The following CD53 variants were observed in gnomAD, a reference collection of about 807,000 sequenced individuals.
CD53 encodes the protein CD53 molecule.
In CD53, 20 loss-of-function variants were observed where a neutral mutation model predicts 27.3. The observed-to-expected ratio is 0.73, with a 90% confidence interval of 0.52 to 1.07. The LOEUF (loss-of-function observed/expected upper bound fraction) is 1.07. CD53 is among the 50% of genes least tolerant of loss of function. The pLI is 0.00. For missense variants in CD53, 216 were observed against 264.0 expected (o/e 0.82, Z 1.26); for synonymous variants, 106 against 105.3 (o/e 1.01, Z -0.04).
At chr1:110,890,134 C>T (rs1247997841) in intron 1 of CD53, among the ~76,000 whole-genome samples, 1 of 152,136 alleles carries the variant, frequency 6.6e-6, no homozygotes, top group Non-Finnish European at 1.5e-5. Flanking sequence ...CTATGGATTG[C>T]ACAAGTGACC....
intron 1 of CD53, among the ~76,000 whole-genome samples, chr1:110,875,912 G>C (rs922677778): frequency 6.6e-6 from 1 of 152,202 alleles, no homozygotes; most frequent in Non-Finnish European, 1.5e-5. Flanking sequence ...CTGAGAGTTA[G>C]AGGTGAGTGC....
intron 1 of CD53, among the ~76,000 whole-genome samples, chr1:110,889,970 G>T (rs771040440): frequency 4.6e-5 from 7 of 152,162 alleles, no homozygotes; most frequent in Non-Finnish European, 8.8e-5. Context: ...TAAAGGAAAA[G>T]GATATGAGAT....
At chr1:110,888,595 G>A (rs1656724785) in intron 1 of CD53, among the ~76,000 whole-genome samples, 1 of 152,028 alleles carries the variant, frequency 6.6e-6, no homozygotes, top group South Asian at 2.1e-4. Flanking sequence ...ATTGGCCAGA[G>A]GCACATTTCC....
intron 2 of CD53, among the ~76,000 whole-genome samples, chr1:110,892,032 G>A (rs570801741): frequency 8.5e-5 from 13 of 152,350 alleles, no homozygotes; most frequent in Middle Eastern, 3.4e-3. Context: ...AGAAAGCCAT[G>A]TGTGAGCGAC....
chr1:110,887,571 C>T (rs1416945505), intron 1 of CD53, among the ~76,000 whole-genome samples: 1 of 152,178 alleles, frequency 6.6e-6, no homozygotes, highest in Non-Finnish European at 1.5e-5. Flanking sequence ...TTAGGATGCA[C>T]TTAAGTTACT....
At chr1:110,887,106 C>T (rs2101052623) in intron 1 of CD53, among the ~76,000 whole-genome samples, 1 of 149,216 alleles carries the variant, frequency 6.7e-6, no homozygotes, top group South Asian at 2.1e-4. Flanking sequence ...CTCTGTCACC[C>T]AGGCTGTAGT....
intron 2 of CD53, among the ~76,000 whole-genome samples, 190 bp downstream of exon 2, chr1:110,891,661 G>T (rs547554497): frequency 2.2e-4 from 33 of 152,274 alleles, no homozygotes; most frequent in South Asian, 6.2e-4. Context: ...CTGCAAAATT[G>T]AAAGGTACCA....
chr1:110,895,025 C>T lies in CD53; in HGVS notation c.393C>T (p.Thr131=), dbSNP rs1657004133. 2 of 1,613,696 alleles carry T rather than the reference C, an allele frequency of 1.2e-6. No individual in the cohort carries two copies. Residue 131 remains threonine, a synonymous_variant, in exon 5 of 8, where the codon ACC becomes ACT. Coordinates refer to ENST00000271324, the MANE Select transcript of CD53 (RefSeq NM_000560.4). ...ACCGTTACCACTCAGACAATAGCAC[C>T]AAGGCAGCGTGGGACTCCATCCAGT... is the stretch of plus-strand genomic sequence containing the variant. The part of the protein sequence containing the change: ...SIHRYHSDNS[T]KAAWDSIQSF...
At chr1:110,879,349 A>C (rs1656257937) in intron 1 of CD53, among the ~76,000 whole-genome samples, 1 of 152,230 alleles carries the variant, frequency 6.6e-6, no homozygotes, top group African/African-American at 2.4e-5. Context: ...GCCCAAGGTC[A>C]CACTTCTGAT....
intron 1 of CD53, among the ~76,000 whole-genome samples, chr1:110,878,537 ACTTTT>A (rs1656216513): frequency 6.6e-6 from 1 of 152,136 alleles, no homozygotes; most frequent in African/African-American, 2.4e-5. Flanking sequence ...TCTTCTTTAT[ACTTTT>A]CTTTATTTTT....
intron 3 of CD53, 71 bp from the exon 4 acceptor site, chr1:110,894,256 C>A: frequency 7.4e-7 from 1 of 1,354,830 alleles, no homozygotes; most frequent in Non-Finnish European, 1.1e-6. Flanking sequence ...CCCCTGGATG[C>A]TCCCAGAGCT....
At chr1:110,883,495 T>A (rs1315068292) in intron 1 of CD53, among the ~76,000 whole-genome samples, 1 of 151,996 alleles carries the variant, frequency 6.6e-6, no homozygotes, top group Non-Finnish European at 1.5e-5. Context: ...CTGAGGAACA[T>A]TGGCCCGTGG....
chr1:110,889,923 G>A (rs898596810), intron 1 of CD53, among the ~76,000 whole-genome samples: 2 of 152,112 alleles, frequency 1.3e-5, no homozygotes, highest in African/African-American at 2.4e-5. Context: ...ATCCTGAGGA[G>A]TAAGACAAGA....
chr1:110,894,938 C>T, intron 4 of CD53, 22 bp from the exon 5 acceptor site: 1 of 1,592,588 alleles, frequency 6.3e-7, no homozygotes, highest in Non-Finnish European at 8.6e-7. Flanking sequence ...CATGTCTCCT[C>T]TGCTGGAATG....
At chr1:110,878,396 G>A (rs143915226) in intron 1 of CD53, among the ~76,000 whole-genome samples, 19 of 152,200 alleles carry the variant, frequency 1.2e-4, no homozygotes, top group Admixed American at 9.8e-4. Context: ...ATTACCTTGC[G>A]AATGCTCTTG....
In CD53 at chr1:110,887,039, T is replaced by C. The variant is rs1347783096; in HGVS notation, c.-17-4353T>C. On this transcript the variant is annotated intron_variant, in intron 1 of 7. Transcript: ENST00000271324. ...AAGTTTGATTTGAGTCTTTTTATAC[T>C]TTCCATGTCTCTATTTATGTTTATT... 4.0e-5 allele frequency among the ~76,000 whole-genome samples: 6 copies of C among 149,214 alleles called. No homozygotes were observed. In the East Asian group the frequency reaches 1.2e-3, roughly 29 times the overall value.
chr1:110,892,520 G>A lies in CD53; in HGVS notation c.239G>A (p.Cys80Tyr), dbSNP rs1656895574. ...GCMGSIKENK[C>Y]LLMSFFILLL... ...ATGGGCTCTATCAAGGAAAACAAGT[G>A]TCTGCTTATGTCGGTGAGTCCTTAC... Residue 80 changes from cysteine (C) to tyrosine (Y), a missense_variant, in exon 3 of 8, where the codon TGT becomes TAT. Transcript: ENST00000271324. 11 of 1,613,550 alleles carry A rather than the reference G, an allele frequency of 6.8e-6. No homozygotes were observed. Among genetic ancestry groups the A allele is most frequent in the Admixed American group, 1.7e-5 (1 of 60,006 alleles).
intron 1 of CD53, among the ~76,000 whole-genome samples, chr1:110,886,261 T>C (rs1484791807): frequency 6.6e-6 from 1 of 152,186 alleles, no homozygotes; most frequent in Non-Finnish European, 1.5e-5. Flanking sequence ...CATGTCTTTT[T>C]TTCCCCTGGT....
In CD53 at chr1:110,894,347, T is replaced by C; in HGVS notation, c.273T>C (p.Ile91=). 6.2e-7 allele frequency: 1 copy of C among 1,614,102 alleles called. No individual in the cohort carries two copies. Among genetic ancestry groups the C allele is most frequent in the Non-Finnish European group, 8.5e-7 (1 of 1,179,946 alleles). The change falls in exon 4 of 8, where the codon ATT becomes ATC. Residue 91 remains isoleucine (I), a synonymous_variant. Coordinates refer to ENST00000271324, the MANE Select transcript of CD53 (RefSeq NM_000560.4). Reference sequence around the variant, plus strand: ...CCCAGTTCTTCATCCTGCTGCTGATTATCCTCCTTGCTGAGGTGACCTTGG... The same window carrying C: ...CCCAGTTCTTCATCCTGCTGCTGATCATCCTCCTTGCTGAGGTGACCTTGG... ...LLMSFFILLL[I]ILLAEVTLAI...
Sources: gnomAD v4.1 joint callset for allele counts (sites outside exome capture counted in the v4.1 genomes callset) on GRCh38, gnomAD v4.1.1 for gene constraint, MANE v1.5 for transcripts, NCBI Gene and HGNC (gene_info 2026-07-23, HGNC 2026-07-21) for gene names.